The following PLB1 variants were observed in gnomAD, a reference collection of about 807,000 sequenced individuals.
PLB1 encodes the protein phospholipase B1, membrane-associated.
In PLB1, 242 loss-of-function variants were observed where a neutral mutation model predicts 227.4. The ratio of observed to expected loss-of-function variants is 1.06; its 90% CI spans 0.96 to 1.18. PLB1 has a LOEUF of 1.18. Among genes scored for constraint, PLB1 ranks in the 50% most tolerant of loss-of-function variants. The pLI is 0.00. For missense variants in PLB1, 1,858 were observed against 1,816.3 expected, an observed-to-expected ratio of 1.02 and a Z score of -0.42; for synonymous variants, 757 against 682.2, an observed-to-expected ratio of 1.11 and a Z score of -1.71.
rs1282662711 is a variant in PLB1 at position 28,638,760 on chromosome 2, G to GAC, written c.4099-2165_4099-2164dup. ...TGGACATGGTGCAAACTGCCTTCCAGACATCCACATAGAGGTATCAGGATA... is the reference window on the plus strand; with the variant it reads ...TGGACATGGTGCAAACTGCCTTCCAGACACATCCACATAGAGGTATCAGGATA... On this transcript the variant is annotated intron_variant, in intron 56 of 57. Transcript: ENST00000327757. Among the ~76,000 whole-genome samples, 6 of 137,868 alleles carry GAC rather than the reference G, an allele frequency of 4.4e-5. No homozygotes were observed. In the East Asian group the frequency reaches 1.3e-3, roughly 30 times the overall value. The allele number at this position is 137,868 out of a possible 152,430, so 90.4% of individuals were successfully genotyped here.
intron 9 of PLB1, among the ~76,000 whole-genome samples, chr2:28,534,685 C>T (rs1572811505): frequency 6.6e-6 from 1 of 152,058 alleles, no homozygotes; most frequent in East Asian, 1.9e-4. Context: ...GAAACCCCAT[C>T]TGTACTAAAA....
intron 1 of PLB1, among the ~76,000 whole-genome samples, chr2:28,503,887 T>C (rs1667369098): frequency 6.6e-6 from 1 of 152,198 alleles, no homozygotes; most frequent in African/African-American, 2.4e-5. Context: ...TGCCTCTTGA[T>C]GGGAAGAATG....
rs1344006068 is a variant in PLB1 at position 28,540,448 on chromosome 2, C to T, written c.774+7C>T. ...GATGCAGTGGTCTTATCAGGTGAGC[C>T]CAACCTGGGATCCCAAGCTGCTGGC... is the stretch of plus-strand genomic sequence containing the variant. On this transcript the variant is annotated splice_region_variant and intron_variant, in intron 12 of 57. Coordinates refer to ENST00000327757, the MANE Select transcript of PLB1 (RefSeq NM_153021.5). 1.2e-6 allele frequency: 2 copies of T among 1,613,366 alleles called. No homozygotes were observed. The highest frequency in any genetic ancestry group is 4.5e-5 in the East Asian group (2 of 44,860).
At chr2:28,566,692 C>A in intron 19 of PLB1, 104 bp from the exon 20 acceptor site, 1 of 1,312,302 alleles carries the variant, frequency 7.6e-7, no homozygotes, top group Non-Finnish European at 1.1e-6. Context: ...CTCCAGGCCC[C>A]CGGGCTGTTT....
intron 38 of PLB1, 66 bp downstream of exon 38, chr2:28,602,030 G>A (rs1284723531): frequency 1.3e-5 from 17 of 1,289,590 alleles, no homozygotes; most frequent in Non-Finnish European, 1.7e-5. Flanking sequence ...TGGATGGGGG[G>A]AAAGAATGAG....
In PLB1 at chr2:28,496,074, G is replaced by T; in HGVS notation, c.-41G>T. ...TGTGATAGCCCATCCATCTGCTGGA[G>T]CAGCTCTTCCAGAGGCCCGAGTCAC... On this transcript the variant is annotated 5_prime_UTR_variant, in exon 1 of 58. Transcript: ENST00000327757. 1 of 1,596,168 alleles carries T rather than the reference G, an allele frequency of 6.3e-7. No homozygotes were observed. The highest frequency in any genetic ancestry group is 8.6e-7 in the Non-Finnish European group (1 of 1,164,014).
chr2:28,502,766 T>C (rs1282154506), intron 1 of PLB1, among the ~76,000 whole-genome samples: 4 of 152,176 alleles, frequency 2.6e-5, no homozygotes, highest in African/African-American at 9.6e-5. Context: ...AGTGTTCCTA[T>C]TTTTCTGTTT....
intron 56 of PLB1, among the ~76,000 whole-genome samples, chr2:28,640,327 C>T (rs1689829283): frequency 6.6e-6 from 1 of 152,110 alleles, no homozygotes; most frequent in African/African-American, 2.4e-5. Flanking sequence ...CTCAGAGGGT[C>T]CTGGGATCAA....
chr2:28,601,551 TG>T (rs1321457908), intron 37 of PLB1, among the ~76,000 whole-genome samples: 1 of 151,708 alleles, frequency 6.6e-6, no homozygotes, highest in African/African-American at 2.4e-5. Flanking sequence ...ATGTCCTAGG[TG>T]GTGAGGTAGC....
intron 51 of PLB1, 29 bp from the exon 52 acceptor site, chr2:28,628,533 GC>G: frequency 6.2e-7 from 1 of 1,608,352 alleles, no homozygotes; most frequent in Non-Finnish European, 8.5e-7. Flanking sequence ...GGCACCAGGG[GC>G]TAAAGAGAGT....
chr2:28,618,563 C>T (rs1686528798), intron 46 of PLB1, 164 bp downstream of exon 46: 2 of 681,500 alleles, frequency 2.9e-6, no homozygotes, highest in Admixed American at 5.0e-5. Context: ...TGTAGAATGC[C>T]CTGTCTCGCC....
At chr2:28,541,629 G>A (rs1672496090) in intron 12 of PLB1, 78 bp from the exon 13 acceptor site, 1 of 1,075,346 alleles carries the variant, frequency 9.3e-7, no homozygotes, top group Non-Finnish European at 1.4e-6. Flanking sequence ...GGGCTGCCGA[G>A]AATGATTTGG....
intron 33 of PLB1, 78 bp downstream of exon 33, chr2:28,593,832 T>G: frequency 7.6e-7 from 1 of 1,308,508 alleles, no homozygotes; most frequent in Non-Finnish European, 1.1e-6. Flanking sequence ...TGTAAATATG[T>G]AAATCCCAGA....
intron 41 of PLB1, among the ~76,000 whole-genome samples, chr2:28,605,585 G>A (rs1191919983): frequency 6.6e-6 from 1 of 152,160 alleles, no homozygotes; most frequent in Non-Finnish European, 1.5e-5. Flanking sequence ...TTACATGAAT[G>A]TGCCCAAAAA....
intron 9 of PLB1, among the ~76,000 whole-genome samples, chr2:28,534,880 A>AG (rs1033569413): frequency 1.5e-3 from 16 of 10,586 alleles, no homozygotes; most frequent in Non-Finnish European, 7.2e-4. Context: ...AAAAGAAAAG[A>AG]AAAAAACAGT....
At chr2:28,496,211 C>A in intron 1 of PLB1, 42 bp downstream of exon 1, 1 of 1,586,474 alleles carries the variant, frequency 6.3e-7, no homozygotes, top group Non-Finnish European at 8.6e-7. Context: ...GTGGTTTAGC[C>A]CCGCTGGTGT....
At chr2:28,540,571 A>G in intron 12 of PLB1, 130 bp downstream of exon 12, 1 of 725,942 alleles carries the variant, frequency 1.4e-6, no homozygotes. Context: ...TTCAGGACTA[A>G]GTCAGGAGCA....
intron 51 of PLB1, among the ~76,000 whole-genome samples, chr2:28,627,223 A>G (rs950055894): frequency 6.6e-6 from 1 of 152,128 alleles, no homozygotes; most frequent in African/African-American, 2.4e-5. Context: ...CCTCCCACAC[A>G]CAGGAGTTGG....
intron 20 of PLB1, among the ~76,000 whole-genome samples, chr2:28,569,453 G>T (rs1038161447): frequency 2.6e-5 from 4 of 152,142 alleles, no homozygotes; most frequent in African/African-American, 4.8e-5. Flanking sequence ...GAATGCATGA[G>T]ATTGCAAAGT....
Sources: allele counts gnomAD v4.1 joint callset (sites outside exome capture counted in the v4.1 genomes callset), GRCh38; gene constraint gnomAD v4.1.1; transcripts MANE v1.5; gene names NCBI Gene and HGNC (gene_info 2026-07-23, HGNC 2026-07-21).